The following STARD13 variants were observed in gnomAD, a reference collection of about 807,000 sequenced individuals.
STARD13 encodes stAR-related lipid transfer protein 13.
In STARD13, 62 loss-of-function variants were observed where a neutral mutation model predicts 106.4. The ratio of observed to expected loss-of-function variants is 0.58; its 90% confidence interval spans 0.48 to 0.72. The LOEUF is 0.72. Among genes scored for constraint, STARD13 ranks in the 30% least tolerant of loss-of-function variants. The probability of loss-of-function intolerance (pLI) is 0.00; values close to 1 mark genes in which losing one functional copy is unlikely to be tolerated. For missense variants in STARD13, 1,387 were observed against 1,424.0 expected (o/e 0.97, Z 0.42); for synonymous variants, 565 against 553.0 (o/e 1.02, Z -0.31).
the STARD13 span, among the ~76,000 whole-genome samples, chr13:33,560,656 A>T: frequency 6.6e-6 from 1 of 151,522 alleles, no homozygotes; most frequent in Non-Finnish European, 1.5e-5. Flanking sequence ...CATAACTTAA[A>T]AATTCACTTG....
At chr13:33,527,601 G>C in the STARD13 span, among the ~76,000 whole-genome samples, 1 of 151,842 alleles carries the variant, frequency 6.6e-6, no homozygotes, top group African/African-American at 2.4e-5. Flanking sequence ...ATCAGGTGGT[G>C]GACTGTCCAA....
chr13:33,513,432 T>C, the STARD13 span, among the ~76,000 whole-genome samples: 1 of 152,192 alleles, frequency 6.6e-6, no homozygotes, highest in Non-Finnish European at 1.5e-5. Context: ...TCTCAATTGA[T>C]TTCAAATCTG....
chr13:33,301,814 C>T (rs1447257177), intron 1 of STARD13, among the ~76,000 whole-genome samples: 1 of 152,072 alleles, frequency 6.6e-6, no homozygotes, highest in East Asian at 1.9e-4. Context: ...GTGATCCACC[C>T]GCCTCAGCCT....
At chr13:33,359,906 A>G in the STARD13 span, among the ~76,000 whole-genome samples, 3 of 152,178 alleles carry the variant, frequency 2.0e-5, no homozygotes, top group African/African-American at 7.2e-5. Context: ...CTCACCTTAT[A>G]TTTAAATCTA....
At chr13:33,252,811 T>G (rs1222674974) in intron 1 of STARD13, among the ~76,000 whole-genome samples, 1 of 152,158 alleles carries the variant, frequency 6.6e-6, no homozygotes, top group South Asian at 2.1e-4. Context: ...GTTGCAGAAG[T>G]TTTACAGTGC....
the STARD13 span, among the ~76,000 whole-genome samples, chr13:33,589,034 G>A: frequency 6.6e-6 from 1 of 152,080 alleles, no homozygotes; most frequent in African/African-American, 2.4e-5. Context: ...ACTAAATCTG[G>A]TAGTTTGCTC....
At chr13:33,352,366 G>C (rs1458647117), upstream of STARD13, among the ~76,000 whole-genome samples, 1 of 152,176 alleles carries the variant, frequency 6.6e-6, no homozygotes, top group Admixed American at 6.5e-5. Context: ...ACTTTTAGAA[G>C]GGACCTCTTG....
chr13:33,198,361 A>G (rs1566067820), intron 1 of STARD13, among the ~76,000 whole-genome samples: 3 of 151,970 alleles, frequency 2.0e-5, no homozygotes, highest in African/African-American at 7.3e-5. Context: ...TGAGCATCCC[A>G]GGCTCACCCA....
chr13:33,353,657 G>A (rs2078100630), upstream of STARD13, among the ~76,000 whole-genome samples: 1 of 152,224 alleles, frequency 6.6e-6, no homozygotes, highest in South Asian at 2.1e-4. Context: ...ACATAGAAAA[G>A]ACTTAACCTA....
At chr13:33,650,129 T>C in the STARD13 span, among the ~76,000 whole-genome samples, 2 of 141,538 alleles carry the variant, frequency 1.4e-5, no homozygotes, top group African/African-American at 5.1e-5. Context: ...CGGTGGAGCC[T>C]ATTTGGTCCC....
At chr13:33,568,607 T>C in the STARD13 span, among the ~76,000 whole-genome samples, 1 of 148,050 alleles carries the variant, frequency 6.8e-6, no homozygotes, top group Non-Finnish European at 1.5e-5. Flanking sequence ...CTGCCTGCCA[T>C]TGGACACTAA....
At chr13:33,676,507 C>A in the STARD13 span, among the ~76,000 whole-genome samples, 2 of 152,016 alleles carry the variant, frequency 1.3e-5, no homozygotes, top group Non-Finnish European at 2.9e-5. Context: ...GAGTTTTTTC[C>A]TTTTAAGTCA....
At chr13:33,582,548 C>T in the STARD13 span, among the ~76,000 whole-genome samples, 1 of 152,318 alleles carries the variant, frequency 6.6e-6, no homozygotes, top group East Asian at 1.9e-4. Flanking sequence ...CTACGAATAC[C>T]TGTTAATATG....
chr13:33,237,440 G>C (rs1359166885), intron 1 of STARD13, among the ~76,000 whole-genome samples: 1 of 152,166 alleles, frequency 6.6e-6, no homozygotes, highest in Non-Finnish European at 1.5e-5. Flanking sequence ...ATGTAAACGA[G>C]CCTCAATTTA....
chr13:33,388,168 G>C, the STARD13 span, among the ~76,000 whole-genome samples: 80 of 152,310 alleles, frequency 5.3e-4, no homozygotes, highest in African/African-American at 1.8e-3. Flanking sequence ...GAGCCAACAG[G>C]AGTTGAAAGC....
rs116729892 is a variant in STARD13, at chr13:33,214,288, G to T, written c.170-46666C>A. Among the ~76,000 whole-genome samples, 240 of 152,124 alleles carry T rather than the reference G, an allele frequency of 1.6e-3. 1 individual carries two copies. Among genetic ancestry groups the T allele is most frequent in the African/African-American group, 3.5e-3 (145 of 41,480 alleles). Reference sequence around the variant, plus strand: ...TTCTAACAATAACTTTACATGACTGGGTTGAAATAAACTTAAAAACCAAAC... The same window carrying T: ...TTCTAACAATAACTTTACATGACTGTGTTGAAATAAACTTAAAAACCAAAC... On this transcript the variant is annotated intron_variant, in intron 1 of 13. Transcript: ENST00000336934.
intron 1 of STARD13, among the ~76,000 whole-genome samples, chr13:33,200,881 C>T: frequency 6.6e-6 from 1 of 151,908 alleles, no homozygotes; most frequent in South Asian, 2.1e-4. Flanking sequence ...AAAAAATTAG[C>T]CGGGCATGGT....
chr13:33,309,204 C>T (rs574956307), intron 1 of STARD13, among the ~76,000 whole-genome samples: 5 of 152,304 alleles, frequency 3.3e-5, no homozygotes, highest in African/African-American at 9.6e-5. Flanking sequence ...AAACCTAACA[C>T]GACAGCTCCA....
At chr13:33,174,842 T>C (rs1884344324) in intron 1 of STARD13, among the ~76,000 whole-genome samples, 1 of 152,150 alleles carries the variant, frequency 6.6e-6, no homozygotes, top group South Asian at 2.1e-4. Flanking sequence ...TCAGTAATCA[T>C]TTCTGCTCCG....
Sources: gnomAD v4.1 joint callset for allele counts (sites outside exome capture counted in the v4.1 genomes callset) on GRCh38, gnomAD v4.1.1 for gene constraint, MANE v1.5 for transcripts, NCBI Gene and HGNC (gene_info 2026-07-23, HGNC 2026-07-21) for gene names.